The following TRPM8 variants were observed in gnomAD, a reference collection of about 807,000 sequenced individuals.
TRPM8 encodes transient receptor potential cation channel subfamily M member 8, also known as TRPM8 cationic channel.
Under a neutral mutation model 133.7 loss-of-function variants are expected in TRPM8, and 110 were observed. That is an observed-to-expected ratio of 0.82 (90% CI 0.70 to 0.96). The LOEUF (loss-of-function observed/expected upper bound fraction) is 0.96, where lower values mean the gene tolerates loss of function less well. TRPM8 is among the 40% of genes least tolerant of loss of function. The pLI is 0.00. For missense variants in TRPM8, 1,291 were observed against 1,379.5 expected (o/e 0.94, Z 1.02); for synonymous variants, 535 against 532.3 (o/e 1.01, Z -0.07).
chr2:233,985,890 T>G (rs1337253588), intron 21 of TRPM8, 25 bp downstream of exon 21: 1 of 1,592,072 alleles, frequency 6.3e-7, no homozygotes, highest in Admixed American at 1.8e-5. Context: ...ACATGTTCAC[T>G]GATGTCCACC....
At chr2:233,917,587 G>C (rs1180016101) in intron 1 of TRPM8, among the ~76,000 whole-genome samples, 155 bp downstream of exon 1, 1 of 152,200 alleles carries the variant, frequency 6.6e-6, no homozygotes, top group Non-Finnish European at 1.5e-5. Context: ...ATTCCTCAAA[G>C]TGTTGTGGGC....
rs1283445379 is a variant in TRPM8, at chr2:234,017,346, T to C, written c.*90T>C. The C allele has an allele frequency of 4.2e-6, 2 of 471,326 alleles. No homozygotes were observed. Among genetic ancestry groups the C allele is most frequent in the Non-Finnish European group, 8.8e-6 (2 of 227,132 alleles). The allele number at this position is 471,326 out of a possible 1,614,324, so 29.2% of individuals were successfully genotyped here. On this transcript the variant is annotated 3_prime_UTR_variant, in exon 26 of 26. Transcript: ENST00000324695. ...AACAATTTTGCTATCGACTACTAAA[T>C]GAGAGATTTTCAGACCCCTGGGTAC...
intron 18 of TRPM8, among the ~76,000 whole-genome samples, chr2:233,981,573 A>G (rs1692010183): frequency 6.6e-6 from 1 of 152,022 alleles, no homozygotes; most frequent in East Asian, 1.9e-4. Flanking sequence ...TTTGCTTTTC[A>G]TGTCTTTTCA....
chr2:233,942,071 C>CT (rs796852025), intron 5 of TRPM8, among the ~76,000 whole-genome samples: 11,299 of 110,974 alleles, frequency 0.1, 857 homozygotes, highest in African/African-American at 0.15. Flanking sequence ...GGTCAAGAAT[C>CT]TTTTTTTTTT....
At chr2:233,930,494 T>A (rs1162089987) in intron 2 of TRPM8, among the ~76,000 whole-genome samples, 174 bp from the exon 3 acceptor site, 1 of 152,216 alleles carries the variant, frequency 6.6e-6, no homozygotes, top group Non-Finnish European at 1.5e-5. Context: ...AAAGTTTGCA[T>A]CTTTAAAAAA....
At chr2:234,002,349 G>A (rs1047574539) in intron 22 of TRPM8, among the ~76,000 whole-genome samples, 4 of 151,946 alleles carry the variant, frequency 2.6e-5, no homozygotes, top group South Asian at 2.1e-4. Flanking sequence ...AGCTCCATAC[G>A]GTCCCCTTTC....
intron 22 of TRPM8, among the ~76,000 whole-genome samples, chr2:233,997,051 G>A (rs947562303): frequency 1.3e-5 from 2 of 152,186 alleles, no homozygotes; most frequent in Non-Finnish European, 2.9e-5. Context: ...GATTGCCTGA[G>A]CTCAGGAGTT....
rs575567462 is a variant in TRPM8 at position 233,964,619 on chromosome 2, C to G, written c.1750-9C>G. On this transcript the variant is annotated splice_polypyrimidine_tract_variant and intron_variant, in intron 13 of 25. Coordinates refer to ENST00000324695, the MANE Select transcript of TRPM8 (RefSeq NM_024080.5). ...AATTAACCTTAAAATTCTTCACCCC[C>G]CTAAAAAGACCAGGGGCTGCACTCT... 5.8e-6 allele frequency: 9 copies of G among 1,542,136 alleles called. No individual in the cohort carries two copies. In the African/African-American group the frequency reaches 6.9e-5, roughly 12 times the overall value.
intron 24 of TRPM8, among the ~76,000 whole-genome samples, chr2:234,012,322 AT>A (rs1692859884): frequency 6.7e-6 from 1 of 149,928 alleles, no homozygotes; most frequent in African/African-American, 2.5e-5. Context: ...TAATTTTTGT[AT>A]TTTTAGTAGA....
At chr2:233,973,432 G>A (rs775984891) in intron 17 of TRPM8, among the ~76,000 whole-genome samples, 13 of 152,100 alleles carry the variant, frequency 8.5e-5, no homozygotes, top group Non-Finnish European at 1.9e-4. Flanking sequence ...TTGGCTTGTC[G>A]ATGCATCCCT....
At chr2:233,958,372 C>T (rs1287635897) in intron 11 of TRPM8, among the ~76,000 whole-genome samples, 1 of 152,146 alleles carries the variant, frequency 6.6e-6, no homozygotes, top group African/African-American at 2.4e-5. Context: ...GACGGCAAAG[C>T]CTCTTCTCAT....
intron 2 of TRPM8, among the ~76,000 whole-genome samples, chr2:233,927,936 C>T (rs867053991): frequency 0.022 from 1,229 of 55,568 alleles, 90 homozygotes; most frequent in Admixed American, 0.028. Flanking sequence ...CTCTCTCTCT[C>T]TCTCTCTCTC....
chr2:233,959,065 G>A (rs562475937), intron 11 of TRPM8, among the ~76,000 whole-genome samples: 2 of 152,148 alleles, frequency 1.3e-5, no homozygotes, highest in South Asian at 2.1e-4. Flanking sequence ...TGCTCTTGTC[G>A]TCCAGGCTGG....
At chr2:233,993,123 T>A (rs765055017) in intron 21 of TRPM8, among the ~76,000 whole-genome samples, 1 of 152,204 alleles carries the variant, frequency 6.6e-6, no homozygotes, top group Non-Finnish European at 1.5e-5. Context: ...CAATCCTGAA[T>A]ATGCATTATT....
chr2:233,961,186 T>C (rs968979270), intron 12 of TRPM8, 120 bp downstream of exon 12: 8 of 1,017,444 alleles, frequency 7.9e-6, no homozygotes, highest in Admixed American at 2.8e-5. Flanking sequence ...ACACTGACAA[T>C]GTTAATTTTT....
At chr2:234,009,269 G>C (rs889892693) in intron 24 of TRPM8, among the ~76,000 whole-genome samples, 3 of 152,224 alleles carry the variant, frequency 2.0e-5, no homozygotes, top group African/African-American at 7.2e-5. Context: ...TGGTGTGTTT[G>C]TAGAGAAAAC....
chr2:234,008,127 A>G (rs199731428), intron 24 of TRPM8, 24 bp downstream of exon 24: 1 of 1,428,000 alleles, frequency 7.0e-7, no homozygotes, highest in Admixed American at 2.2e-5. Context: ...AATAGTTTGG[A>G]TTTTTTTTTT....
intron 1 of TRPM8, among the ~76,000 whole-genome samples, chr2:233,924,399 C>T (rs959158443): frequency 6.6e-6 from 1 of 152,212 alleles, no homozygotes; most frequent in Non-Finnish European, 1.5e-5. Flanking sequence ...CTCCAGGGAC[C>T]CAGCTGCTCT....
chr2:233,927,778 CTTTCTTTCTTTCTTTT>C (rs1691564435), intron 2 of TRPM8, among the ~76,000 whole-genome samples: 1 of 46,216 alleles, frequency 2.2e-5, no homozygotes, highest in African/African-American at 2.7e-4. Context: ...TTCTTTCTTT[CTTTCTTTCTTTCTTTT>C]CTTTCCTTCC....
Sources: allele counts gnomAD v4.1 joint callset (sites outside exome capture counted in the v4.1 genomes callset), GRCh38; gene constraint gnomAD v4.1.1; transcripts MANE v1.5; gene names NCBI Gene and HGNC (gene_info 2026-07-23, HGNC 2026-07-21).